The following GEMIN4 variants were observed in gnomAD, a reference collection of about 807,000 sequenced individuals.
GEMIN4 encodes the protein gem nuclear organelle associated protein 4, also known as gem-associated protein 4.
In GEMIN4, 59 loss-of-function variants were observed where a neutral mutation model predicts 76.8. That is an observed-to-expected ratio of 0.77 (90% CI 0.62 to 0.95). GEMIN4 has a LOEUF of 0.95. Among genes scored for constraint, GEMIN4 ranks in the 40% least tolerant of loss-of-function variants. The pLI is 0.00. For synonymous variants in GEMIN4, 562 were observed against 559.7 expected, an observed-to-expected ratio of 1.00 and a Z score of -0.06; for missense variants, 1,311 against 1,318.9, an observed-to-expected ratio of 0.99 and a Z score of 0.09.
chr17:746,645 T>C lies in GEMIN4; in HGVS notation c.1398A>G (p.Thr466=). The C allele has an allele frequency of 6.2e-7, 1 of 1,613,532 alleles. No homozygotes were observed. Among genetic ancestry groups the C allele is most frequent in the Non-Finnish European group, 8.5e-7 (1 of 1,179,830 alleles). The change falls in exon 2 of 2, where the codon ACA becomes ACG. Residue 466 remains threonine, a synonymous_variant. Coordinates refer to ENST00000319004, the MANE Select transcript of GEMIN4 (RefSeq NM_015721.3). The surrounding 1 kb of genome is among the most constrained non-coding windows in gnomAD (Gnocchi z 4.3). ...GAGACTCAGGGATGGCTCTGTCAGC[T>C]GTGCTGACGTCTATCACTGTTTCCA... ...RLLETVIDVS[T]ADRAIPESQI...
At position 744,719 on chromosome 17, in the gene GEMIN4, T is replaced by C; in HGVS notation, c.*147A>G. ...TATTGCCATGACTTTTTGTGGACAG[T>C]TTCACATAACTGTAAAGTCCAGGCT... On this transcript the variant is annotated 3_prime_UTR_variant, in exon 2 of 2. Coordinates refer to ENST00000319004, the MANE Select transcript of GEMIN4 (RefSeq NM_015721.3). 2 of 760,318 alleles carry C rather than the reference T, an allele frequency of 2.6e-6. No homozygotes were observed. The highest frequency in any genetic ancestry group is 3.8e-4 in the Middle Eastern group (1 of 2,616). The allele number at this position is 760,318 out of a possible 1,614,324, so 47.1% of individuals were successfully genotyped here. A position where few individuals can be genotyped will look rare whatever the true frequency, so the allele number is the denominator to read the frequency against.
chr17:747,602 A>G lies in GEMIN4; in HGVS notation c.441T>C (p.His147=), dbSNP rs763923900. 2.7e-5 allele frequency: 44 copies of G among 1,613,850 alleles called. No individual in the cohort carries two copies. Among genetic ancestry groups the G allele is most frequent in the Non-Finnish European group, 3.5e-5 (41 of 1,179,892 alleles). The change falls in exon 2 of 2, where the codon CAT becomes CAC. Residue 147 remains histidine, a synonymous_variant. Coordinates refer to ENST00000319004, the MANE Select transcript of GEMIN4 (RefSeq NM_015721.3). The part of the protein sequence containing the change: ...CHAELERFLE[H]VTVDTSAEDV... ...CTTCGGCAGAAGTGTCAACGGTCAC[A>G]TGTTCCAGAAAGCGCTCTAGTTCTG... is the stretch of plus-strand genomic sequence containing the variant.
chr17:744,842 TG>T lies in GEMIN4; in HGVS notation c.*23del. 6.3e-7 allele frequency: 1 copy of T among 1,590,372 alleles called. No individual in the cohort carries two copies. ...CTGATCTTCTGCAGACCCGCCATGT[TG>T]GGGCCCAGCTCCCCACGCCAAGTCA... On this transcript the variant is annotated 3_prime_UTR_variant, in exon 2 of 2. Coordinates refer to ENST00000319004, the MANE Select transcript of GEMIN4 (RefSeq NM_015721.3).
At position 747,647 on chromosome 17, in the gene GEMIN4, C is replaced by A; in HGVS notation, c.396G>T (p.Leu132=). 1 of 1,613,924 alleles carries A rather than the reference C, an allele frequency of 6.2e-7. No individual in the cohort carries two copies. Among genetic ancestry groups the A allele is most frequent in the African/African-American group, 1.3e-5 (1 of 75,012 alleles). The change falls in exon 2 of 2, where the codon CTG becomes CTT. Residue 132 remains leucine (L), a synonymous_variant. Coordinates refer to ENST00000319004, the MANE Select transcript of GEMIN4 (RefSeq NM_015721.3). ...SGLFIQLLMA[L]PTTICHAELE... Reference sequence around the variant, plus strand: ...GTTCTGCATGGCAGATGGTGGTGGGCAGGGCCATCAGGAGCTGGATAAAGA... The same window carrying A: ...GTTCTGCATGGCAGATGGTGGTGGGAAGGGCCATCAGGAGCTGGATAAAGA...
At chr17:752,558 C>G (rs955753111), upstream of GEMIN4, 2 of 643,622 alleles carry the variant, frequency 3.1e-6, no homozygotes, top group Non-Finnish European at 4.0e-6. Flanking sequence ...ACGCCCACCA[C>G]CCAGCGCGGC....
rs201455772 is a variant in GEMIN4, at chr17:745,511, C to T, written c.2532G>A (p.Glu844=). The T allele has an allele frequency of 7.9e-5, 127 of 1,612,182 alleles. 1 individual carries two copies. The East Asian group carries it at 2.1e-3, about 27-fold the overall frequency. ...SLLVVDVGNP[E]EVRLFSKGFL... ...AGCCTTTGCTGAACAGTCTGACCTC[C>T]TCAGGATTGCCCACGTCCACCACCA... Residue 844 remains glutamate, a synonymous_variant, in exon 2 of 2, where the codon GAG becomes GAA. Coordinates refer to ENST00000319004, the MANE Select transcript of GEMIN4 (RefSeq NM_015721.3). This position sits in a 1 kb window ranked among gnomAD's most constrained non-coding sequence, Gnocchi z 4.6.
chr17:747,319 T>A lies in GEMIN4; in HGVS notation c.724A>T (p.Asn242Tyr), dbSNP rs1300372982. The part of the protein sequence containing the change: ...GPGRKCCALA[N>Y]LADMLTVFAL... Reference sequence around the variant, plus strand: ...AACACAGTCAGCATGTCAGCCAGGTTGGCCAGCGCACAGCACTTCCTCCCC... The same window carrying A: ...AACACAGTCAGCATGTCAGCCAGGTAGGCCAGCGCACAGCACTTCCTCCCC... The change falls in exon 2 of 2, where the codon AAC becomes TAC. Residue 242 changes from asparagine (N) to tyrosine (Y), a missense_variant. Physicochemically the swap from Asn to Tyr is moderately radical, Grantham distance 143. This residue lies in a region of GEMIN4 where 1,208 missense variants were observed against 1,166.9 expected (regional missense o/e 1.04). Coordinates refer to ENST00000319004, the MANE Select transcript of GEMIN4 (RefSeq NM_015721.3). 3 of 1,613,736 alleles carry A rather than the reference T, an allele frequency of 1.9e-6. No homozygotes were observed. The highest frequency in any genetic ancestry group is 2.5e-6 in the Non-Finnish European group (3 of 1,179,858).
chr17:753,898 A>G (rs1904878423), upstream of GEMIN4: 1 of 152,120 alleles, frequency 6.6e-6, no homozygotes. Flanking sequence ...GGGGAGAGGG[A>G]CTCTGTCCTC....
chr17:744,746 C>G lies in GEMIN4; in HGVS notation c.*120G>C. On this transcript the variant is annotated 3_prime_UTR_variant, in exon 2 of 2. Transcript: ENST00000319004. ...TCACATAACTGTAAAGTCCAGGCTG[C>G]TCGGGTCTGACCCCTACAGACCTGC... The G allele has an allele frequency of 9.6e-7, 1 of 1,041,362 alleles. No individual in the cohort carries two copies. The highest frequency in any genetic ancestry group is 2.6e-5 in the East Asian group (1 of 38,322). The allele number at this position is 1,041,362 out of a possible 1,614,324, so 64.5% of individuals were successfully genotyped here.
At position 747,881 on chromosome 17, in the gene GEMIN4, G is replaced by A. The variant is rs750048591; in HGVS notation, c.162C>T (p.Ser54=). ...RPIVEALREI[S]SAAAHSQPFA... The stretch of plus-strand genomic sequence containing the variant: ...AGGGCTGGGAGTGTGCTGCAGCCGA[G>A]GAGATCTCCCTTAAGGCCTCCACGA... Residue 54 remains serine (S), a synonymous_variant, in exon 2 of 2, where the codon TCC becomes TCT. Transcript: ENST00000319004. 1 of 1,613,940 alleles carries A rather than the reference G, an allele frequency of 6.2e-7. No individual in the cohort carries two copies. The highest frequency in any genetic ancestry group is 1.7e-5 in the Admixed American group (1 of 60,026).
Position 746,443 on chromosome 17 carries a change from T to C in GEMIN4, c.1600A>G (p.Thr534Ala), listed in dbSNP as rs1403428744. 1 of 1,613,790 alleles carries C rather than the reference T, an allele frequency of 6.2e-7. No homozygotes were observed. The highest frequency in any genetic ancestry group is 1.3e-5 in the African/African-American group (1 of 74,892). ...EDLNTTFNQL[T>A]QSASEQGLAK... ...AAGCCCTGTTCGGAGGCACTCTGAGTGAGCTGGTTAAAAGTTGTATTGAGG... is the reference window on the plus strand; with the variant it reads ...AAGCCCTGTTCGGAGGCACTCTGAGCGAGCTGGTTAAAAGTTGTATTGAGG... The change falls in exon 2 of 2, where the codon ACT becomes GCT. Residue 534 changes from threonine to alanine, a missense_variant. By Grantham distance (58) the Thr-to-Ala change is moderately conservative. Around this residue, in one of 2 missense-constraint regions of GEMIN4, gnomAD observed 1,208 missense variants for 1,166.9 expected, o/e 1.04. Transcript: ENST00000319004. The surrounding 1 kb of genome is among the most constrained non-coding windows in gnomAD (Gnocchi z 4.3).
chr17:750,157 C>T (rs1449963151), intron 1 of GEMIN4: 1 of 175,320 alleles, frequency 5.7e-6, no homozygotes, highest in Non-Finnish European at 1.1e-5. Context: ...GAGTTCAAGA[C>T]TAGCTGGGGT....
Position 746,083 on chromosome 17 carries a change from C to T in GEMIN4, c.1960G>A (p.Glu654Lys). Residue 654 changes from glutamate (E) to lysine (K), a missense_variant, in exon 2 of 2, where the codon GAA becomes AAA. Glu to Lys is a moderately conservative substitution (Grantham distance 56). Transcript: ENST00000319004. The surrounding 1 kb of genome is among the most constrained non-coding windows in gnomAD (Gnocchi z 4.3). Reference sequence around the variant, plus strand: ...AACCTCAAGAAAGGCAGGACAAATTCCTTCAGCACCTCGTCTGGCTCAAGA... The same window carrying T: ...AACCTCAAGAAAGGCAGGACAAATTTCTTCAGCACCTCGTCTGGCTCAAGA... ...ALLEPDEVLK[E>K]FVLPFLRLDV... 1 of 1,613,978 alleles carries T rather than the reference C, an allele frequency of 6.2e-7. No homozygotes were observed.
At position 746,536 on chromosome 17, in the gene GEMIN4, G is replaced by C; in HGVS notation, c.1507C>G (p.Leu503Val). ...AGGCCCTTTCGCCCCCAGGAACGCA[G>C]GATACCTGCAAGGACTTTATTTTTA... ...PGKNKVLAGI[L>V]RSWGRKGLSE... The change falls in exon 2 of 2, where the codon CTG (leucine) becomes GTG (valine). Residue 503 changes from leucine to valine, a missense_variant. Coordinates refer to ENST00000319004, the MANE Select transcript of GEMIN4 (RefSeq NM_015721.3). This position sits in a 1 kb window ranked among gnomAD's most constrained non-coding sequence, Gnocchi z 4.3. 6.2e-7 allele frequency: 1 copy of C among 1,613,930 alleles called. No individual in the cohort carries two copies. The highest frequency in any genetic ancestry group is 2.2e-5 in the East Asian group (1 of 44,890).
In GEMIN4 at chr17:747,707, G is replaced by A. The variant is rs2144176798; in HGVS notation, c.336C>T (p.Leu112=). 1 of 1,613,880 alleles carries A rather than the reference G, an allele frequency of 6.2e-7. No individual in the cohort carries two copies. The highest frequency in any genetic ancestry group is 8.5e-7 in the Non-Finnish European group (1 of 1,179,852). Residue 112 remains leucine, a synonymous_variant, in exon 2 of 2, where the codon CTC becomes CTT. Coordinates refer to ENST00000319004, the MANE Select transcript of GEMIN4 (RefSeq NM_015721.3). ...NMIPTINHTI[L]FELLKSLEAS... ...CTTCCAGGGATTTGAGCAGCTCGAAGAGGATGGTGTGGTTGATGGTGGGGA... is the reference window on the plus strand; with the variant it reads ...CTTCCAGGGATTTGAGCAGCTCGAAAAGGATGGTGTGGTTGATGGTGGGGA...
upstream of GEMIN4, chr17:752,285 G>C: frequency 8.2e-7 from 1 of 1,224,480 alleles, no homozygotes; most frequent in Non-Finnish European, 1.0e-6. Flanking sequence ...GCCCGGCCCC[G>C]CCCACAGCCT....
At position 746,111 on chromosome 17, in the gene GEMIN4, A is replaced by G; in HGVS notation, c.1932T>C (p.Ala644=). 1 of 1,613,988 alleles carries G rather than the reference A, an allele frequency of 6.2e-7. No homozygotes were observed. Among genetic ancestry groups the G allele is most frequent in the Non-Finnish European group, 8.5e-7 (1 of 1,179,898 alleles). The change falls in exon 2 of 2, where the codon GCT becomes GCC. Residue 644 remains alanine (A), a synonymous_variant. Coordinates refer to ENST00000319004, the MANE Select transcript of GEMIN4 (RefSeq NM_015721.3). The surrounding 1 kb of genome is among the most constrained non-coding windows in gnomAD (Gnocchi z 4.3). Reference sequence around the variant, plus strand: ...TCAGCACCTCGTCTGGCTCAAGAAGAGCAGCCACTGGAATCCCTTGGGGTT... The same window carrying G: ...TCAGCACCTCGTCTGGCTCAAGAAGGGCAGCCACTGGAATCCCTTGGGGTT... ...PVKPQGIPVA[A]LLEPDEVLKE...
intron 1 of GEMIN4, 93 bp from the exon 2 acceptor site, chr17:748,125 G>A (rs559044012): frequency 1.0e-6 from 1 of 962,958 alleles, no homozygotes; most frequent in East Asian, 2.6e-5. Flanking sequence ...AGATGACAAG[G>A]GTTTTAAAGG....
At chr17:752,482 A>G, upstream of GEMIN4, 1 of 448,258 alleles carries the variant, frequency 2.2e-6, no homozygotes, top group Non-Finnish European at 3.4e-6. Context: ...CCCCGCATTC[A>G]CCCTCACCCG....
Sources: allele counts gnomAD v4.1 joint callset, GRCh38; gene constraint gnomAD v4.1.1; regional missense constraint gnomAD v4.1.1; non-coding constraint Gnocchi (gnomAD v3.1); transcripts MANE v1.5; gene names NCBI Gene and HGNC (gene_info 2026-07-23, HGNC 2026-07-21).